DMRT1: variants seen among roughly 807,000 people sequenced by gnomAD.
DMRT1 encodes the protein doublesex and mab-3 related transcription factor 1.
DMRT1 carries 7 observed loss-of-function variants against 32.3 expected under a neutral mutation model. The ratio of observed to expected loss-of-function variants is 0.22; its 90% CI spans 0.12 to 0.41. The LOEUF (loss-of-function observed/expected upper bound fraction) is 0.41. Ranked by LOEUF, DMRT1 falls within the 10% of genes least tolerant of loss-of-function variation. DMRT1 has a pLI of 1.00. For missense variants in DMRT1, 625 were observed against 500.5 expected, an observed-to-expected ratio of 1.25 and a Z score of -2.37; for synonymous variants, 278 against 206.1, an observed-to-expected ratio of 1.35 and a Z score of -2.99.
At chr9:887,463 A>C (rs1276084724) in intron 2 of DMRT1, among the ~76,000 whole-genome samples, 1 of 152,154 alleles carries the variant, frequency 6.6e-6, no homozygotes, top group Non-Finnish European at 1.5e-5. Flanking sequence ...CTAGAGGAGA[A>C]CTTGTTGGCC....
At chr9:882,424 T>A (rs144925894) in intron 2 of DMRT1, among the ~76,000 whole-genome samples, 6 of 152,212 alleles carry the variant, frequency 3.9e-5, no homozygotes, top group African/African-American at 1.4e-4. Flanking sequence ...TCCTTTCTTA[T>A]CCTTTATACA....
intron 2 of DMRT1, 44 bp downstream of exon 2, chr9:847,187 G>A: frequency 6.3e-7 from 1 of 1,596,124 alleles, no homozygotes; most frequent in African/African-American, 1.3e-5. Flanking sequence ...TGGGCATGAG[G>A]GAGGCCGAAG....
chr9:891,778 C>T (rs1337837926), intron 2 of DMRT1, among the ~76,000 whole-genome samples: 1 of 152,088 alleles, frequency 6.6e-6, no homozygotes, highest in African/African-American at 2.4e-5. Flanking sequence ...CCTGCCTCGG[C>T]CTCCCAAAGT....
rs1199100031 is a variant in DMRT1, at chr9:894,092, C to A, written c.719C>A (p.Ala240Asp). The change falls in exon 3 of 5, where the codon GCT (alanine) becomes GAT (aspartate). Residue 240 changes from alanine (A) to aspartate (D), a missense_variant. Around this residue, in one of 3 missense-constraint regions of DMRT1, gnomAD observed 416 missense variants for 321.6 expected, o/e 1.29. Transcript: ENST00000382276. ...QYSMALAADS[A>D]SGEVGNPLGG... ...TCCATGGCCTTGGCTGCTGATTCTG[C>A]TTCTGGGGAGGTGGGAAATCCCCTC... 1 of 1,614,292 alleles carries A rather than the reference C, an allele frequency of 6.2e-7. No individual in the cohort carries two copies.
At chr9:884,956 T>G (rs774959746) in intron 2 of DMRT1, among the ~76,000 whole-genome samples, 1 of 152,060 alleles carries the variant, frequency 6.6e-6, no homozygotes, top group Non-Finnish European at 1.5e-5. Flanking sequence ...GGCAACAGAG[T>G]GAGTGAGACT....
intron 3 of DMRT1, among the ~76,000 whole-genome samples, chr9:915,649 A>C (rs578222043): frequency 1.2e-4 from 18 of 152,192 alleles, no homozygotes; most frequent in Non-Finnish European, 1.2e-4. Flanking sequence ...AACAGGATCC[A>C]GCATGGCATT....
Position 852,416 on chromosome 9 carries a change from A to C in DMRT1, c.538+5273A>C, listed in dbSNP as rs111639635. On this transcript the variant is annotated intron_variant, in intron 2 of 4. Coordinates refer to ENST00000382276, the MANE Select transcript of DMRT1 (RefSeq NM_021951.3). ...AAATGTACTTTTTTTTTTTTTTCGA[A>C]AGTTATTAGCTGACTTAAATCTCAG... is the stretch of plus-strand genomic sequence containing the variant. Among the ~76,000 whole-genome samples, 605 of 148,768 alleles carry C rather than the reference A, an allele frequency of 4.1e-3. 7 individuals carry two copies. The highest frequency in any genetic ancestry group is 0.014 in the African/African-American group (578 of 40,508).
intron 3 of DMRT1, among the ~76,000 whole-genome samples, chr9:910,411 T>G (rs969054149): frequency 1.3e-5 from 2 of 152,150 alleles, no homozygotes; most frequent in African/African-American, 4.8e-5. Context: ...GACAATTTGG[T>G]CTTCACAAAT....
intron 4 of DMRT1, among the ~76,000 whole-genome samples, chr9:918,185 T>A (rs1472008800): frequency 6.6e-6 from 1 of 152,248 alleles, no homozygotes; most frequent in East Asian, 1.9e-4. Context: ...GAGTTTGGCC[T>A]GTAAGGGCGT....
intron 3 of DMRT1, among the ~76,000 whole-genome samples, chr9:906,417 A>G (rs889276805): frequency 6.6e-6 from 1 of 152,190 alleles, no homozygotes; most frequent in Non-Finnish European, 1.5e-5. Flanking sequence ...TGTGACATGA[A>G]TATAATCCAT....
intron 2 of DMRT1, among the ~76,000 whole-genome samples, chr9:889,129 G>A (rs1291520049): frequency 1.3e-5 from 2 of 152,098 alleles, no homozygotes; most frequent in Non-Finnish European, 2.9e-5. Context: ...CACACTGTGC[G>A]AACCATTGGA....
intron 2 of DMRT1, among the ~76,000 whole-genome samples, chr9:892,979 G>C (rs1286907888): frequency 6.6e-6 from 1 of 151,810 alleles, no homozygotes; most frequent in Non-Finnish European, 1.5e-5. Context: ...TGCAACTCAG[G>C]TGCAGTTTTG....
At chr9:907,821 A>G (rs1358292431) in intron 3 of DMRT1, among the ~76,000 whole-genome samples, 1 of 88,414 alleles carries the variant, frequency 1.1e-5, no homozygotes, top group African/African-American at 4.2e-5. Context: ...CAGTTCTCTA[A>G]AATATATATG....
At chr9:954,305 G>C (rs939996202) in intron 4 of DMRT1, among the ~76,000 whole-genome samples, 10 of 152,124 alleles carry the variant, frequency 6.6e-5, no homozygotes, top group Non-Finnish European at 1.2e-4. Flanking sequence ...GTGAAGCAGA[G>C]AGAGAAGGGA....
chr9:890,514 A>C (rs1376586800), intron 2 of DMRT1, among the ~76,000 whole-genome samples: 1 of 152,086 alleles, frequency 6.6e-6, no homozygotes, highest in East Asian at 1.9e-4. Flanking sequence ...TTCAAAAATA[A>C]ATTTTGTTGT....
chr9:843,465 C>G (rs897884177), intron 1 of DMRT1, among the ~76,000 whole-genome samples: 2 of 152,210 alleles, frequency 1.3e-5, no homozygotes, highest in Non-Finnish European at 2.9e-5. Flanking sequence ...TGTTTTAAAG[C>G]ACGCTTAAGA....
At chr9:897,093 T>TTATTAA (rs1817397996) in intron 3 of DMRT1, among the ~76,000 whole-genome samples, 1 of 20,598 alleles carries the variant, frequency 4.9e-5, no homozygotes, top group Non-Finnish European at 1.4e-4. Flanking sequence ...TGGAATCATA[T>TTATTAA]TATTATTATT....
rs1431066612 is a variant in DMRT1, at chr9:872,636, T to A, written c.539-21276T>A. Among the ~76,000 whole-genome samples, 5 of 152,252 alleles carry A rather than the reference T, an allele frequency of 3.3e-5. No homozygotes were observed. The East Asian group carries it at 9.6e-4, about 29-fold the overall frequency. On this transcript the variant is annotated intron_variant, in intron 2 of 4. Transcript: ENST00000382276. Reference sequence around the variant, plus strand: ...GCATGTTTTTGAGGTTCATCCGTGTTGTAGCATGTTTCAGGACATCAGGAC... The same window carrying A: ...GCATGTTTTTGAGGTTCATCCGTGTAGTAGCATGTTTCAGGACATCAGGAC...
In DMRT1 at chr9:968,090, C is replaced by G; in HGVS notation, c.1073C>G (p.Ser358Trp). The G allele has an allele frequency of 1.2e-6, 2 of 1,614,164 alleles. No individual in the cohort carries two copies. Among genetic ancestry groups the G allele is most frequent in the Non-Finnish European group, 1.7e-6 (2 of 1,180,048 alleles). ...GCAGTGCTTGAATGTGAGCCTGCGTCGGAGCCCAGCAGCTTCACAGTCACT... is the reference window on the plus strand; with the variant it reads ...GCAGTGCTTGAATGTGAGCCTGCGTGGGAGCCCAGCAGCTTCACAGTCACT... Reference protein sequence around the residue: ...TKAVLECEPASEPSSFTVTPV... With the variant: ...TKAVLECEPAWEPSSFTVTPV... Residue 358 changes from serine to tryptophan, a missense_variant, in exon 5 of 5, where the codon TCG becomes TGG. Coordinates refer to ENST00000382276, the MANE Select transcript of DMRT1 (RefSeq NM_021951.3).
Sources: allele counts gnomAD v4.1 joint callset (sites outside exome capture counted in the v4.1 genomes callset), GRCh38; gene constraint gnomAD v4.1.1; regional missense constraint gnomAD v4.1.1; transcripts MANE v1.5; gene names NCBI Gene and HGNC (gene_info 2026-07-23, HGNC 2026-07-21).